The following PHF14 variants were observed in gnomAD, a reference collection of about 807,000 sequenced individuals.
PHF14 encodes PHD finger protein 14.
In PHF14, 55 loss-of-function variants were observed where a neutral mutation model predicts 117.9. The observed-to-expected ratio is 0.47, with a 90% CI of 0.38 to 0.58. The LOEUF (loss-of-function observed/expected upper bound fraction) is 0.58, where lower values mean the gene tolerates loss of function less well. PHF14 is among the 20% of genes least tolerant of loss of function. PHF14 has a pLI of 0.00. For synonymous variants in PHF14, 409 were observed against 368.6 expected, an observed-to-expected ratio of 1.11 and a Z score of -1.26; for missense variants, 978 against 1,122.2, an observed-to-expected ratio of 0.87 and a Z score of 1.84.
Position 10,982,927 on chromosome 7 carries a change from G to A in PHF14, c.668G>A (p.Gly223Glu). The change falls in exon 3 of 18, where the codon GGG becomes GAG. Residue 223 changes from glycine (G) to glutamate (E), a missense_variant. Gly to Glu is a moderately conservative substitution (Grantham distance 98). This residue lies in a region of PHF14 where 414 missense variants were observed against 376.4 expected (regional missense o/e 1.10). Coordinates refer to ENST00000634607, the MANE Select transcript of PHF14 (RefSeq NM_001007157.2). ...DWRPTVVKRK[G>E]RSASQKEGSD... ...CGACCTACTGTAGTAAAGAGAAAAGGGAGATCTGCGTCTCAGAAAGAGGGA... is the reference window on the plus strand; with the variant it reads ...CGACCTACTGTAGTAAAGAGAAAAGAGAGATCTGCGTCTCAGAAAGAGGGA... 1 of 1,610,194 alleles carries A rather than the reference G, an allele frequency of 6.2e-7. No homozygotes were observed.
chr7:11,133,713 C>T (rs1398380598), intron 17 of PHF14, among the ~76,000 whole-genome samples: 1 of 151,964 alleles, frequency 6.6e-6, no homozygotes, highest in Non-Finnish European at 1.5e-5. Context: ...TTCATCTGCT[C>T]ACAGTTCTGC....
intron 17 of PHF14, among the ~76,000 whole-genome samples, chr7:11,132,197 A>G (rs577749963): frequency 6.6e-6 from 1 of 151,746 alleles, no homozygotes; most frequent in African/African-American, 2.4e-5. Flanking sequence ...TTTTATCTCT[A>G]GACCTTTTTC....
At chr7:11,103,834 C>G (rs1470936990) in intron 16 of PHF14, 1 of 981,236 alleles carries the variant, frequency 1.0e-6, no homozygotes, top group Non-Finnish European at 1.2e-6. Context: ...TATGAAATTA[C>G]ATATAAACAG....
chr7:11,044,231 T>C (rs1427746744), intron 13 of PHF14, among the ~76,000 whole-genome samples: 1 of 152,018 alleles, frequency 6.6e-6, no homozygotes, highest in East Asian at 1.9e-4. Context: ...ACCTGGGTGA[T>C]AGGGATCATT....
chr7:11,040,121 A>C (rs1784451533), intron 11 of PHF14, among the ~76,000 whole-genome samples: 1 of 152,050 alleles, frequency 6.6e-6, no homozygotes, highest in Non-Finnish European at 1.5e-5. Context: ...CTTGCATGAC[A>C]CTTTTTTTTT....
chr7:11,054,417 A>C (rs991011800), intron 14 of PHF14, among the ~76,000 whole-genome samples: 1 of 152,118 alleles, frequency 6.6e-6, no homozygotes, highest in Admixed American at 6.5e-5. Context: ...CCAACAATCC[A>C]TTCAGAAAAC....
At chr7:11,161,052 A>C (rs1789010390) in intron 17 of PHF14, among the ~76,000 whole-genome samples, 1 of 152,206 alleles carries the variant, frequency 6.6e-6, no homozygotes. Context: ...TTGAGGTCTT[A>C]CATTTAAATC....
chr7:11,095,164 A>G (rs975811321), intron 16 of PHF14, among the ~76,000 whole-genome samples: 6 of 152,224 alleles, frequency 3.9e-5, no homozygotes, highest in Non-Finnish European at 8.8e-5. Context: ...GAAGGTAAGT[A>G]AGCACTTACC....
At chr7:11,077,768 A>G (rs117234467) in intron 16 of PHF14, among the ~76,000 whole-genome samples, 3,038 of 152,214 alleles carry the variant, frequency 0.02, 42 homozygotes, top group Middle Eastern at 0.045. Context: ...AGGCAGGTTC[A>G]GTTAAATGAG....
At chr7:11,062,383 T>C in intron 16 of PHF14, 1 of 191,366 alleles carries the variant, frequency 5.2e-6, no homozygotes, top group Non-Finnish European at 1.1e-5. Flanking sequence ...TAATTTGATC[T>C]AAACACTGTG....
Position 11,130,072 on chromosome 7 carries a change from C to G in PHF14, c.2772+18605C>G, listed in dbSNP as rs919444880. Among the ~76,000 whole-genome samples, 2 of 151,802 alleles carry G rather than the reference C, an allele frequency of 1.3e-5. No individual in the cohort carries two copies. Among genetic ancestry groups the G allele is most frequent in the African/African-American group, 2.4e-5 (1 of 41,382 alleles). ...TTCTCATTCATGTAACGTATCAGTA[C>G]AGGTTGACAGAGCAGCTCTGCTCAT... On this transcript the variant is annotated intron_variant, in intron 17 of 17. Coordinates refer to ENST00000634607, the MANE Select transcript of PHF14 (RefSeq NM_001007157.2). This position sits in a 1 kb window ranked among gnomAD's most constrained non-coding sequence, Gnocchi z 4.2.
intron 17 of PHF14, among the ~76,000 whole-genome samples, chr7:11,155,341 G>A (rs1284469164): frequency 1.3e-5 from 2 of 152,110 alleles, no homozygotes; most frequent in African/African-American, 2.4e-5. Flanking sequence ...CAATTGCATA[G>A]AAGAAACAGA....
chr7:10,974,637 C>T (rs1235424333), intron 1 of PHF14, among the ~76,000 whole-genome samples, 198 bp from the exon 2 acceptor site: 1 of 152,176 alleles, frequency 6.6e-6, no homozygotes, highest in Non-Finnish European at 1.5e-5. Flanking sequence ...CTGGAGCTGC[C>T]TTTGAAACTG....
chr7:11,059,666 T>C (rs923214972), intron 14 of PHF14, among the ~76,000 whole-genome samples: 30 of 152,002 alleles, frequency 2.0e-4, no homozygotes, highest in African/African-American at 7.0e-4. Context: ...CCCAGCTACT[T>C]GCAAGGCTGA....
chr7:10,988,899 G>A (rs552240124), intron 3 of PHF14, among the ~76,000 whole-genome samples: 1 of 152,118 alleles, frequency 6.6e-6, no homozygotes, highest in African/African-American at 2.4e-5. Flanking sequence ...ATAAGCGAGA[G>A]GTGAGAAAGA....
chr7:11,118,826 C>T (rs1046172319), intron 17 of PHF14, among the ~76,000 whole-genome samples: 4 of 151,646 alleles, frequency 2.6e-5, no homozygotes, highest in Non-Finnish European at 4.4e-5. Flanking sequence ...AACGTATATA[C>T]TTCAGTAAAT....
chr7:11,127,586 C>T (rs1215465796), intron 17 of PHF14, among the ~76,000 whole-genome samples: 2 of 152,096 alleles, frequency 1.3e-5, no homozygotes, highest in Non-Finnish European at 2.9e-5. Flanking sequence ...GTCCTCCAAA[C>T]TCCCAGGGGA....
intron 4 of PHF14, among the ~76,000 whole-genome samples, chr7:11,003,703 C>G (rs117491489): frequency 0.014 from 2,190 of 152,228 alleles, 28 homozygotes; most frequent in Middle Eastern, 0.037. Context: ...GAATCCCATA[C>G]ACAGTACAAG....
chr7:11,047,571 G>A (rs113334343), intron 13 of PHF14, among the ~76,000 whole-genome samples: 5 of 150,168 alleles, frequency 3.3e-5, no homozygotes, highest in Non-Finnish European at 5.9e-5. Context: ...TGAGGCGGGC[G>A]GATCACTTGA....
Sources: gnomAD v4.1 joint callset for allele counts (sites outside exome capture counted in the v4.1 genomes callset) on GRCh38, gnomAD v4.1.1 for gene constraint, gnomAD v4.1.1 regional missense constraint, Gnocchi (gnomAD v3.1) non-coding constraint, MANE v1.5 for transcripts, NCBI Gene and HGNC (gene_info 2026-07-23, HGNC 2026-07-21) for gene names.